The following GABBR2 variants were observed in gnomAD, a reference collection of about 807,000 sequenced individuals.
GABBR2 encodes gamma-aminobutyric acid type B receptor subunit 2.
A neutral mutation model predicts 105.6 loss-of-function variants in GABBR2; 23 were observed. That is an observed-to-expected ratio of 0.22 (90% CI 0.16 to 0.31). The LOEUF (loss-of-function observed/expected upper bound fraction) is 0.31. GABBR2 is among the 10% of genes least tolerant of loss of function. GABBR2 has a pLI of 1.00. For missense variants in GABBR2, 734 were observed against 1,245.5 expected, an observed-to-expected ratio of 0.59 and a Z score of 6.18; for synonymous variants, 478 against 499.7, an observed-to-expected ratio of 0.96 and a Z score of 0.58.
At chr9:98,436,105 A>G (rs1414070241) in intron 7 of GABBR2, among the ~76,000 whole-genome samples, 2 of 150,926 alleles carry the variant, frequency 1.3e-5, no homozygotes, top group African/African-American at 2.4e-5. Context: ...GAATAAATGA[A>G]TGAACAAAGG....
chr9:98,323,475 C>T (rs1195166192), intron 13 of GABBR2, among the ~76,000 whole-genome samples: 1 of 152,238 alleles, frequency 6.6e-6, no homozygotes, highest in Non-Finnish European at 1.5e-5. Flanking sequence ...AAGTGCCCCA[C>T]CCAGCTGCAT....
chr9:98,527,367 A>G (rs915107707), intron 3 of GABBR2, among the ~76,000 whole-genome samples: 11 of 152,060 alleles, frequency 7.2e-5, no homozygotes, highest in African/African-American at 2.7e-4. Context: ...TACCGCCTCA[A>G]TGAAAAATGA....
intron 13 of GABBR2, among the ~76,000 whole-genome samples, chr9:98,351,127 T>C (rs916928782): frequency 5.9e-5 from 9 of 152,082 alleles, no homozygotes; most frequent in Admixed American, 4.6e-4. Flanking sequence ...TTTATATCTT[T>C]TTCAGGAAAA....
At chr9:98,557,825 C>T (rs1044559563) in intron 2 of GABBR2, among the ~76,000 whole-genome samples, 7 of 152,174 alleles carry the variant, frequency 4.6e-5, no homozygotes, top group African/African-American at 7.2e-5. Flanking sequence ...TTTAAGGGAA[C>T]ATACTAATTA....
intron 7 of GABBR2, among the ~76,000 whole-genome samples, chr9:98,433,360 CACAT>C (rs1354576037): frequency 6.6e-6 from 1 of 152,144 alleles, no homozygotes; most frequent in African/African-American, 2.4e-5. Flanking sequence ...AAGACATGTA[CACAT>C]ACATACACAT....
At chr9:98,552,714 G>A (rs779555607) in intron 2 of GABBR2, among the ~76,000 whole-genome samples, 8 of 152,218 alleles carry the variant, frequency 5.3e-5, no homozygotes, top group Non-Finnish European at 1.2e-4. Context: ...GGGGTATCGT[G>A]CATAGACTGG....
At chr9:98,372,359 A>T (rs1189952097) in intron 11 of GABBR2, among the ~76,000 whole-genome samples, 1 of 152,086 alleles carries the variant, frequency 6.6e-6, no homozygotes, top group Non-Finnish European at 1.5e-5. Context: ...TGGGCCCCAC[A>T]TCATGGTCCA....
At chr9:98,405,554 C>T (rs891397656) in intron 8 of GABBR2, among the ~76,000 whole-genome samples, 3 of 152,166 alleles carry the variant, frequency 2.0e-5, no homozygotes, top group African/African-American at 4.8e-5. Flanking sequence ...GCCAGGGAAG[C>T]ACAGTTATCC....
chr9:98,619,255 T>C (rs1829635089), intron 1 of GABBR2, among the ~76,000 whole-genome samples: 1 of 151,888 alleles, frequency 6.6e-6, no homozygotes, highest in African/African-American at 2.4e-5. Flanking sequence ...CAAAATAAAA[T>C]TTTAACCCCC....
chr9:98,637,647 A>G (rs1468702023), intron 1 of GABBR2, among the ~76,000 whole-genome samples: 3 of 152,204 alleles, frequency 2.0e-5, no homozygotes, highest in Non-Finnish European at 4.4e-5. Context: ...TTGACCAGCC[A>G]TTATTGCCTT....
intron 1 of GABBR2, among the ~76,000 whole-genome samples, chr9:98,600,397 C>T (rs1241936712): frequency 6.6e-6 from 1 of 152,198 alleles, no homozygotes; most frequent in Admixed American, 6.5e-5. Flanking sequence ...CCCTGAAGCT[C>T]CAGACCACAC....
intron 13 of GABBR2, 185 bp downstream of exon 13, chr9:98,362,530 C>A: frequency 2.7e-6 from 1 of 369,600 alleles, no homozygotes; most frequent in Non-Finnish European, 4.8e-6. Flanking sequence ...ATATTAAAAT[C>A]AACTTCTTTC....
chr9:98,401,121 C>T (rs555218640), intron 8 of GABBR2, among the ~76,000 whole-genome samples: 16 of 152,206 alleles, frequency 1.1e-4, no homozygotes, highest in Admixed American at 5.2e-4. Flanking sequence ...TGCCAGTCCC[C>T]GAGACAGGAA....
In GABBR2 at chr9:98,305,133, T is replaced by A. The variant is rs533732707; in HGVS notation, c.2229+988A>T. Among the ~76,000 whole-genome samples, 9 of 152,228 alleles carry A rather than the reference T, an allele frequency of 5.9e-5. No homozygotes were observed. In the South Asian group the frequency reaches 1.9e-3, roughly 32 times the overall value. ...CTTCCCTCAACACAGATCACCCTACTGCAGGGACTCCTAAGAAGAAAGGCC... is the reference window on the plus strand; with the variant it reads ...CTTCCCTCAACACAGATCACCCTACAGCAGGGACTCCTAAGAAGAAAGGCC... On this transcript the variant is annotated intron_variant, in intron 15 of 18. Coordinates refer to ENST00000259455, the MANE Select transcript of GABBR2 (RefSeq NM_005458.8).
intron 14 of GABBR2, among the ~76,000 whole-genome samples, chr9:98,310,595 T>G (rs2131361229): frequency 6.6e-6 from 1 of 152,156 alleles, no homozygotes; most frequent in South Asian, 2.1e-4. Flanking sequence ...GTGCTGGGTT[T>G]GCAGTTTGGA....
rs377734356 is a variant in GABBR2 at position 98,420,411 on chromosome 9, A to C, written c.1237-14270T>G. Among the ~76,000 whole-genome samples, 10 of 152,314 alleles carry C rather than the reference A, an allele frequency of 6.6e-5. No homozygotes were observed. In the East Asian group the frequency reaches 1.7e-3, roughly 27 times the overall value. On this transcript the variant is annotated intron_variant, in intron 7 of 18. Transcript: ENST00000259455. ...TGCTGCCAGGCTGGTAGGAGGAGCA[A>C]AGGCATGTGCAGGGCTTTTAGAAGA...
chr9:98,698,177 A>G (rs946638288), intron 1 of GABBR2, among the ~76,000 whole-genome samples: 1 of 152,182 alleles, frequency 6.6e-6, no homozygotes, highest in African/African-American at 2.4e-5. Context: ...GCTAGATTTT[A>G]TCTGAACAGT....
intron 1 of GABBR2, among the ~76,000 whole-genome samples, chr9:98,697,633 A>G (rs1026647667): frequency 7.2e-5 from 11 of 152,332 alleles, no homozygotes; most frequent in Middle Eastern, 3.4e-3. Flanking sequence ...CTTTTTCTTC[A>G]TCTACCCACC....
chr9:98,316,087 C>T (rs796552230), intron 13 of GABBR2, among the ~76,000 whole-genome samples: 11 of 152,266 alleles, frequency 7.2e-5, no homozygotes, highest in African/African-American at 2.6e-4. Flanking sequence ...CTGTACAGGA[C>T]AGCATTTGCA....
Sources: gnomAD v4.1 joint callset for allele counts (sites outside exome capture counted in the v4.1 genomes callset) on GRCh38, gnomAD v4.1.1 for gene constraint, MANE v1.5 for transcripts, NCBI Gene and HGNC (gene_info 2026-07-23, HGNC 2026-07-21) for gene names.